The following TACC2 variants were observed in gnomAD, a reference collection of about 807,000 sequenced individuals.
The protein encoded by TACC2 is transforming acidic coiled-coil containing protein 2, also known as transforming acidic coiled-coil-containing protein 2.
TACC2 carries 137 observed loss-of-function variants against 227.3 expected under a neutral mutation model. That is an observed-to-expected ratio of 0.60 (90% CI 0.52 to 0.69). The LOEUF (loss-of-function observed/expected upper bound fraction) is 0.69. TACC2 is among the 30% of genes least tolerant of loss of function. The pLI, the probability that TACC2 is intolerant of heterozygous loss-of-function variation, is 0.00. For missense variants in TACC2, 3,470 were observed against 3,694.4 expected, an observed-to-expected ratio of 0.94 and a Z score of 1.57; for synonymous variants, 1,523 against 1,487.5, an observed-to-expected ratio of 1.02 and a Z score of -0.55.
intron 3 of TACC2, among the ~76,000 whole-genome samples, chr10:122,053,317 G>A (rs552875142): frequency 1.1e-4 from 17 of 152,058 alleles, no homozygotes; most frequent in African/African-American, 2.7e-4. Flanking sequence ...ATCAGATCTC[G>A]TGAGACCCAC....
rs553074675 is a variant in TACC2 at position 121,992,468 on chromosome 10, TA to T, written c.-46+2984del. Among the ~76,000 whole-genome samples the T allele has an allele frequency of 2.4e-4, 36 of 152,366 alleles. No homozygotes were observed. In the South Asian group the frequency reaches 7.2e-3, roughly 31 times the overall value. ...TACACAAGAACTTCAAGAAAAGTTATAAAATGTAATTGCACAGAACAACTCA... is the reference window on the plus strand; with the variant it reads ...TACACAAGAACTTCAAGAAAAGTTATAAATGTAATTGCACAGAACAACTCA... On this transcript the variant is annotated intron_variant, in intron 1 of 22. Transcript: ENST00000369005.
At chr10:122,131,811 T>C (rs1015633936) in intron 5 of TACC2, among the ~76,000 whole-genome samples, 18 of 150,942 alleles carry the variant, frequency 1.2e-4, no homozygotes, top group Non-Finnish European at 2.4e-4. Context: ...CACTTGAACC[T>C]AGGAGTTTGA....
At chr10:122,233,367 C>A (rs2095795733) in intron 16 of TACC2, among the ~76,000 whole-genome samples, 1 of 152,220 alleles carries the variant, frequency 6.6e-6, no homozygotes, top group African/African-American at 2.4e-5. Context: ...ATTGGGGGAC[C>A]CAATATAAAG....
chr10:122,098,594 G>A (rs1196565920), intron 5 of TACC2, among the ~76,000 whole-genome samples: 1 of 152,178 alleles, frequency 6.6e-6, no homozygotes, highest in Non-Finnish European at 1.5e-5. Flanking sequence ...ACCACAGAGA[G>A]TTATGTAAAA....
intron 5 of TACC2, among the ~76,000 whole-genome samples, chr10:122,121,989 C>T (rs912012441): frequency 6.6e-6 from 1 of 152,192 alleles, no homozygotes; most frequent in Non-Finnish European, 1.5e-5. Flanking sequence ...AGGACAGGTC[C>T]AGGGTTCTCG....
At chr10:122,065,013 T>C (rs561581210) in intron 3 of TACC2, among the ~76,000 whole-genome samples, 1 of 152,350 alleles carries the variant, frequency 6.6e-6, no homozygotes, top group East Asian at 1.9e-4. Context: ...GATCTTGAAC[T>C]CTATATAAAT....
In TACC2 at chr10:122,083,495, G is replaced by T; in HGVS notation, c.995G>T (p.Ser332Ile). Residue 332 changes from serine to isoleucine, a missense_variant, in exon 4 of 23, where the codon AGC becomes ATC. Ser to Ile is a moderately radical substitution (Grantham distance 142, BLOSUM62 -2). Coordinates refer to ENST00000369005, the MANE Select transcript of TACC2 (RefSeq NM_206862.4). ...GAAGTGAATGCCGCTTCCCAGGAGA[G>T]CTGCCAGCAGCCAGTGGGAGCATAT... is the stretch of plus-strand genomic sequence containing the variant. ...EAEVNAASQE[S>I]CQQPVGAYLP... is the part of the protein sequence containing the mutation. The T allele has an allele frequency of 6.2e-7, 1 of 1,613,188 alleles. No individual in the cohort carries two copies. The highest frequency in any genetic ancestry group is 1.6e-4 in the Middle Eastern group (1 of 6,062).
At chr10:122,164,627 C>G (rs1218384880) in intron 7 of TACC2, among the ~76,000 whole-genome samples, 1 of 152,208 alleles carries the variant, frequency 6.6e-6, no homozygotes, top group Non-Finnish European at 1.5e-5. Context: ...CAGAAGTGGC[C>G]TTTATCCTGG....
At chr10:122,165,845 G>T (rs1182769714) in intron 7 of TACC2, among the ~76,000 whole-genome samples, 1 of 151,942 alleles carries the variant, frequency 6.6e-6, no homozygotes, top group Non-Finnish European at 1.5e-5. Flanking sequence ...CAGTGCCATT[G>T]CTAGCATCTG....
At position 122,108,751 on chromosome 10, in the gene TACC2, C is replaced by G. The variant is rs528800755; in HGVS notation, c.5573+20160C>G. Among the ~76,000 whole-genome samples, 116 of 146,836 alleles carry G rather than the reference C, an allele frequency of 7.9e-4. 3 individuals carry two copies. In the South Asian group the frequency reaches 0.025, roughly 32 times the overall value. Reference sequence around the variant, plus strand: ...AGCCATCGCCCGGTCTTCTTTTTTTCTTTTCTTGAGTCTCGCTGCGTCACC... The same window carrying G: ...AGCCATCGCCCGGTCTTCTTTTTTTGTTTTCTTGAGTCTCGCTGCGTCACC... On this transcript the variant is annotated intron_variant, in intron 5 of 22. Transcript: ENST00000369005.
At chr10:122,231,303 C>T (rs2095743079) in intron 16 of TACC2, among the ~76,000 whole-genome samples, 1 of 150,860 alleles carries the variant, frequency 6.6e-6, no homozygotes, top group African/African-American at 2.4e-5. Context: ...CCACCCCTCA[C>T]CCCACCCCAA....
intron 3 of TACC2, among the ~76,000 whole-genome samples, chr10:122,059,965 A>AT (rs35042927): frequency 0.6 from 91,483 of 151,894 alleles, 28,147 homozygotes; most frequent in Non-Finnish European, 0.66. Context: ...AAGCCCAGGG[A>AT]TCTGGCACTC....
chr10:122,096,989 C>T (rs1234786138), intron 5 of TACC2, among the ~76,000 whole-genome samples: 2 of 152,090 alleles, frequency 1.3e-5, no homozygotes, highest in African/African-American at 4.8e-5. Context: ...GCTCTTAATG[C>T]CCTTTCCTTT....
intron 3 of TACC2, among the ~76,000 whole-genome samples, chr10:122,066,060 A>G (rs1424091634): frequency 6.6e-6 from 1 of 151,316 alleles, no homozygotes; most frequent in Non-Finnish European, 1.5e-5. Context: ...GGCAGCATAG[A>G]GTTGGATCTT....
chr10:122,025,794 T>C (rs1192290602), intron 2 of TACC2, among the ~76,000 whole-genome samples: 1 of 150,286 alleles, frequency 6.7e-6, no homozygotes, highest in Non-Finnish European at 1.5e-5. Flanking sequence ...CAGGATGCTC[T>C]CAATCTCCTG....
rs2095415386 is a variant in TACC2, at chr10:122,216,822, A to C, written c.7540A>C (p.Thr2514Pro). 5 of 1,614,086 alleles carry C rather than the reference A, an allele frequency of 3.1e-6. No individual in the cohort carries two copies. The highest frequency in any genetic ancestry group is 4.2e-6 in the Non-Finnish European group (5 of 1,180,008). The change falls in exon 11 of 23, where the codon ACT becomes CCT. Residue 2514 changes from threonine (T) to proline (P), a missense_variant. Thr to Pro is a conservative substitution (Grantham distance 38, BLOSUM62 -1). Transcript: ENST00000369005. Reference sequence around the variant, plus strand: ...AAACGAGACCAAATTCAGTTCACCCACTGAGGGTAAGCAACTCTGTAGCCA... The same window carrying C: ...AAACGAGACCAAATTCAGTTCACCCCCTGAGGGTAAGCAACTCTGTAGCCA... ...FVNETKFSSP[T>P]EELDYRNSYE... is the part of the protein sequence containing the mutation.
intron 3 of TACC2, among the ~76,000 whole-genome samples, chr10:122,074,690 C>A (rs935686344): frequency 6.6e-6 from 1 of 152,158 alleles, no homozygotes; most frequent in South Asian, 2.1e-4. Context: ...CAGCACCTTG[C>A]CTACCAGACT....
chr10:122,016,261 G>GA (rs66489609), intron 1 of TACC2, among the ~76,000 whole-genome samples: 1 of 103,288 alleles, frequency 9.7e-6, no homozygotes, highest in Non-Finnish European at 1.8e-5. Flanking sequence ...GACCCTGTCT[G>GA]AAAAAAAAAA....
At chr10:122,176,117 CTATATA>C (rs35172894) in intron 7 of TACC2, among the ~76,000 whole-genome samples, 660 of 54,458 alleles carry the variant, frequency 0.012, 3 homozygotes, top group Middle Eastern at 0.027. Flanking sequence ...CTCTCTCTCT[CTATATA>C]TATATATATA....
Sources: allele counts gnomAD v4.1 joint callset (sites outside exome capture counted in the v4.1 genomes callset), GRCh38; gene constraint gnomAD v4.1.1; transcripts MANE v1.5; gene names NCBI Gene and HGNC (gene_info 2026-07-23, HGNC 2026-07-21).